Variants in NDST4 observed in about 807,000 individuals in gnomAD.
NDST4 encodes N-heparan sulfate sulfotransferase 4.
In NDST4, 63 loss-of-function variants were observed where a neutral mutation model predicts 100.8. The observed-to-expected ratio is 0.62, with a 90% confidence interval of 0.51 to 0.77. The LOEUF (loss-of-function observed/expected upper bound fraction) is 0.77. Ranked by LOEUF, NDST4 falls within the 30% of genes least tolerant of loss-of-function variation. The pLI is 0.00. For missense variants in NDST4, 943 were observed against 1,018.4 expected (o/e 0.93, Z 1.01); for synonymous variants, 377 against 361.8 (o/e 1.04, Z -0.48).
At chr4:114,934,887 A>G (rs1725594025) in intron 6 of NDST4, among the ~76,000 whole-genome samples, 1 of 152,120 alleles carries the variant, frequency 6.6e-6, no homozygotes, top group Non-Finnish European at 1.5e-5. Flanking sequence ...TGTCAATTAT[A>G]CCTTCATAAA....
chr4:114,985,272 G>A (rs72896724), intron 2 of NDST4, among the ~76,000 whole-genome samples: 4,457 of 152,034 alleles, frequency 0.029, 231 homozygotes, highest in African/African-American at 0.1. Context: ...TAAGTATTTC[G>A]TTGCCATTTT....
chr4:115,040,320 A>C (rs1295657082), intron 2 of NDST4, among the ~76,000 whole-genome samples: 1 of 148,830 alleles, frequency 6.7e-6, no homozygotes, highest in Non-Finnish European at 1.5e-5. Flanking sequence ...TAAGCAAAGC[A>C]ATTCTTCTCT....
chr4:114,877,563 A>G (rs1188582415), intron 6 of NDST4, among the ~76,000 whole-genome samples: 1 of 152,202 alleles, frequency 6.6e-6, no homozygotes, highest in East Asian at 1.9e-4. Context: ...TTCTATAAAT[A>G]AAAAGTAACT....
At chr4:114,854,548 A>C (rs1014989303) in intron 7 of NDST4, among the ~76,000 whole-genome samples, 3 of 152,010 alleles carry the variant, frequency 2.0e-5, no homozygotes, top group African/African-American at 4.8e-5. Context: ...GGCTCACCGC[A>C]ACCTTCGCCT....
intron 3 of NDST4, 122 bp downstream of exon 3, chr4:114,977,065 A>T (rs536877736): frequency 1.5e-6 from 1 of 675,500 alleles, no homozygotes; most frequent in African/African-American, 1.8e-5. Flanking sequence ...TGGCTACTCA[A>T]ATAATGTGCC....
At chr4:115,036,164 A>C (rs1728229226) in intron 2 of NDST4, among the ~76,000 whole-genome samples, 1 of 151,778 alleles carries the variant, frequency 6.6e-6, no homozygotes, top group South Asian at 2.1e-4. Context: ...ACTTCTCAAA[A>C]GAGAAATACA....
chr4:115,035,667 T>C (rs549376766), intron 2 of NDST4, among the ~76,000 whole-genome samples: 8 of 152,192 alleles, frequency 5.3e-5, no homozygotes, highest in South Asian at 2.1e-4. Flanking sequence ...ATGCAATCTG[T>C]ATTCAGTTGA....
intron 1 of NDST4, among the ~76,000 whole-genome samples, chr4:115,086,772 G>T (rs773995064): frequency 2.9e-4 from 44 of 152,092 alleles, no homozygotes; most frequent in Admixed American, 9.8e-4. Context: ...GAAAGGACAT[G>T]ATTTTTTAAA....
chr4:115,050,118 G>A (rs892179186), intron 2 of NDST4, among the ~76,000 whole-genome samples: 1 of 151,986 alleles, frequency 6.6e-6, no homozygotes, highest in Non-Finnish European at 1.5e-5. Flanking sequence ...TCCCCATACA[G>A]TTTAAATTTT....
At position 114,986,823 on chromosome 4, in the gene NDST4, TA is replaced by T. The variant is rs1245852848; in HGVS notation, c.979-9550del. Among the ~76,000 whole-genome samples the T allele has an allele frequency of 5.5e-4, 54 of 98,720 alleles. 2 individuals are homozygous for T. The highest frequency in any genetic ancestry group is 9.9e-4 in the East Asian group (4 of 4,048). 64.8% of individuals were successfully genotyped at this position (98,720 alleles called of 152,430 possible). A position where few individuals can be genotyped will look rare whatever the true frequency, so the allele number is the denominator to read the frequency against. On this transcript the variant is annotated intron_variant, in intron 2 of 13. Coordinates refer to ENST00000264363, the MANE Select transcript of NDST4 (RefSeq NM_022569.3). Reference sequence around the variant, plus strand: ...ATATATATATATATATATATATATATATATATATATTTTAATATACTATTCC... The same window carrying T: ...ATATATATATATATATATATATATATTATATATATTTTAATATACTATTCC...
At chr4:114,932,010 C>T (rs1323491611) in intron 6 of NDST4, among the ~76,000 whole-genome samples, 1 of 151,790 alleles carries the variant, frequency 6.6e-6, no homozygotes, top group African/African-American at 2.4e-5. Flanking sequence ...TAGCATTACC[C>T]TGATATCAAA....
chr4:114,878,984 A>T (rs906320919), intron 6 of NDST4, among the ~76,000 whole-genome samples: 4 of 152,024 alleles, frequency 2.6e-5, no homozygotes, highest in African/African-American at 9.7e-5. Flanking sequence ...ACTAACTTTG[A>T]TACCTAATAA....
intron 1 of NDST4, among the ~76,000 whole-genome samples, chr4:115,104,567 G>A (rs1286850904): frequency 1.3e-5 from 2 of 152,020 alleles, no homozygotes; most frequent in Admixed American, 1.3e-4. Flanking sequence ...GAAAATAGAG[G>A]AAAACTATTT....
At position 115,007,210 on chromosome 4, in the gene NDST4, A is replaced by G. The variant is rs1343719632; in HGVS notation, c.979-29936T>C. On this transcript the variant is annotated intron_variant, in intron 2 of 13. Transcript: ENST00000264363. The stretch of plus-strand genomic sequence containing the variant: ...CTACCATACTATCACCTCCTTTTAC[A>G]TACATGATAATTGAGGCACAGACTA... Among the ~76,000 whole-genome samples the G allele has an allele frequency of 2.0e-5, 3 of 152,192 alleles. No individual in the cohort carries two copies. The East Asian group carries it at 5.8e-4, about 29-fold the overall frequency.
intron 1 of NDST4, among the ~76,000 whole-genome samples, chr4:115,096,104 T>G (rs1729616692): frequency 6.6e-6 from 1 of 151,716 alleles, no homozygotes; most frequent in South Asian, 2.1e-4. Flanking sequence ...TTTACACTCT[T>G]TTATTTCATG....
At chr4:115,037,296 C>T (rs939290647) in intron 2 of NDST4, among the ~76,000 whole-genome samples, 5 of 151,992 alleles carry the variant, frequency 3.3e-5, no homozygotes, top group Non-Finnish European at 4.4e-5. Context: ...CAAAATGTAC[C>T]ACTTGGGAAG....
chr4:115,103,245 A>G (rs1230947053), intron 1 of NDST4, among the ~76,000 whole-genome samples: 2 of 152,166 alleles, frequency 1.3e-5, no homozygotes, highest in African/African-American at 4.8e-5. Context: ...TCTATAATAC[A>G]AAAAGCTATA....
chr4:115,050,875 T>C (rs1728567001), intron 2 of NDST4, among the ~76,000 whole-genome samples: 1 of 152,120 alleles, frequency 6.6e-6, no homozygotes, highest in Admixed American at 6.6e-5. Flanking sequence ...TGAAATACAA[T>C]CTTCTTCAAA....
Position 115,008,429 on chromosome 4 carries a change from A to T in NDST4, c.979-31155T>A, listed in dbSNP as rs1727467821. The stretch of plus-strand genomic sequence containing the variant: ...AATCACTCAGCATTTGCTTGTCTGT[A>T]AAGTATTTTATTTCTCCTTCACTTA... On this transcript the variant is annotated intron_variant, in intron 2 of 13. Coordinates refer to ENST00000264363, the MANE Select transcript of NDST4 (RefSeq NM_022569.3). Among the ~76,000 whole-genome samples, 2 of 128,950 alleles carry T rather than the reference A, an allele frequency of 1.6e-5. 1 individual carries two copies. Among genetic ancestry groups the T allele is most frequent in the Non-Finnish European group, 3.3e-5 (2 of 60,340 alleles). 84.6% of individuals were successfully genotyped at this position (128,950 alleles called of 152,430 possible). A position where few individuals can be genotyped will look rare whatever the true frequency, so the allele number is the denominator to read the frequency against.
Sources: gnomAD v4.1 joint callset for allele counts (sites outside exome capture counted in the v4.1 genomes callset) on GRCh38, gnomAD v4.1.1 for gene constraint, MANE v1.5 for transcripts, NCBI Gene and HGNC (gene_info 2026-07-23, HGNC 2026-07-21) for gene names.